OPRK1: variants seen among roughly 807,000 people sequenced by gnomAD.
The protein encoded by OPRK1 is opioid receptor kappa 1, also known as kappa-type opioid receptor.
Under a neutral mutation model 24.5 loss-of-function variants are expected in OPRK1, and 15 were observed. The ratio of observed to expected loss-of-function variants is 0.61; its 90% CI spans 0.41 to 0.94. The LOEUF is 0.94. Ranked by LOEUF, OPRK1 falls within the 40% of genes least tolerant of loss-of-function variation. OPRK1 has a pLI of 0.00. For synonymous variants in OPRK1, 205 were observed against 198.0 expected, an observed-to-expected ratio of 1.04 and a Z score of -0.30; for missense variants, 479 against 507.3, an observed-to-expected ratio of 0.94 and a Z score of 0.54.
At chr8:53,247,990 CAAAAAAAAAAAAAAAA>C (rs767911838) in intron 2 of OPRK1, among the ~76,000 whole-genome samples, 4 of 32,342 alleles carry the variant, frequency 1.2e-4, no homozygotes, top group Non-Finnish European at 1.7e-4. Context: ...GATTCTGTCT[CAAAAAAAAAAAAAAAA>C]AAAAAAAAAA....
At chr8:53,229,856 C>G (rs201603193) in intron 3 of OPRK1, 27 bp from the exon 4 acceptor site, 1 of 1,519,068 alleles carries the variant, frequency 6.6e-7, no homozygotes. Flanking sequence ...AAAACCACAA[C>G]ACAGAAACCT....
intron 1 of OPRK1, 81 bp from the exon 2 acceptor site, chr8:53,251,166 C>T: frequency 2.2e-6 from 3 of 1,366,722 alleles, no homozygotes; most frequent in Non-Finnish European, 2.8e-6. Context: ...GGACCCGGAG[C>T]CTGCGGACTC....
chr8:53,234,633 G>C (rs1806942728), intron 3 of OPRK1, 126 bp downstream of exon 3: 1 of 750,888 alleles, frequency 1.3e-6, no homozygotes, highest in South Asian at 1.8e-5. Flanking sequence ...ATGGATTTAG[G>C]CACTACATTT....
intron 2 of OPRK1, among the ~76,000 whole-genome samples, chr8:53,237,216 A>G (rs1226071504): frequency 6.6e-6 from 1 of 152,172 alleles, no homozygotes; most frequent in East Asian, 1.9e-4. Flanking sequence ...GGTCATATTT[A>G]CCCAGTTCAG....
At position 53,225,975 on chromosome 8, in the gene OPRK1, A is replaced by G. The variant is rs549803444; in HGVS notation, c.*3322T>C. ...TTAGAAAATAAATCTCATTGATAGG[A>G]CACACAACCTTTCACAGCTTTCACT... On this transcript the variant is annotated 3_prime_UTR_variant, in exon 4 of 4. Transcript: ENST00000265572. 1 of 152,140 alleles carries G rather than the reference A, an allele frequency of 6.6e-6. No homozygotes were observed. Among genetic ancestry groups the G allele is most frequent in the Non-Finnish European group, 1.5e-5 (1 of 68,036 alleles). 9.4% of individuals were successfully genotyped at this position (152,140 alleles called of 1,614,324 possible). A position where few individuals can be genotyped will look rare whatever the true frequency, so the allele number is the denominator to read the frequency against.
intron 2 of OPRK1, chr8:53,242,945 C>G: frequency 7.8e-7 from 1 of 1,287,008 alleles, no homozygotes; most frequent in Non-Finnish European, 1.0e-6. Flanking sequence ...AAGTGTTAAG[C>G]CATTTATAGT....
chr8:53,235,891 T>C (rs541486005), intron 2 of OPRK1, among the ~76,000 whole-genome samples: 1 of 152,362 alleles, frequency 6.6e-6, no homozygotes, highest in East Asian at 1.9e-4. Flanking sequence ...CTTTACATTA[T>C]AACATGATGT....
chr8:53,238,331 T>C (rs62505377), intron 2 of OPRK1, among the ~76,000 whole-genome samples: 10,816 of 152,284 alleles, frequency 0.071, 392 homozygotes, highest in Middle Eastern at 0.14. Context: ...CTGGCTTGTG[T>C]GGAGGAGCTG....
intron 2 of OPRK1, among the ~76,000 whole-genome samples, chr8:53,250,102 A>ACACACACACACAC (rs370445740): frequency 1.2e-3 from 178 of 144,744 alleles, no homozygotes; most frequent in African/African-American, 4.6e-3. Context: ...CACACACACA[A>ACACACACACACAC]ATAAAACCTT....
At chr8:53,236,958 T>C (rs1807011017) in intron 2 of OPRK1, among the ~76,000 whole-genome samples, 1 of 152,174 alleles carries the variant, frequency 6.6e-6, no homozygotes, top group Non-Finnish European at 1.5e-5. Context: ...CTAGTCCTTA[T>C]TTTTCAAACT....
At chr8:53,239,910 A>G (rs928871596) in intron 2 of OPRK1, among the ~76,000 whole-genome samples, 2 of 152,236 alleles carry the variant, frequency 1.3e-5, no homozygotes, top group Non-Finnish European at 2.9e-5. Context: ...TCTACATGTA[A>G]TAAGTAAAGG....
chr8:53,251,479 T>C lies in OPRK1; in HGVS notation c.-80A>G, dbSNP rs199569997. The C allele has an allele frequency of 1.3e-4, 22 of 167,678 alleles. No individual in the cohort carries two copies. Among genetic ancestry groups the C allele is most frequent in the African/African-American group, 5.3e-4 (22 of 41,652 alleles). The allele number at this position is 167,678 out of a possible 1,614,324, so 10.4% of individuals were successfully genotyped here. On this transcript the variant is annotated 5_prime_UTR_variant, in exon 1 of 4. Transcript: ENST00000265572. ...TTCCCAGAGACAGGCGAAGGCGAGG[T>C]TTTTTACGGGACGCCCTGGTAGGTG...
At position 53,250,771 on chromosome 8, in the gene OPRK1, C is replaced by T; in HGVS notation, c.257+10G>A. The T allele has an allele frequency of 6.2e-7, 1 of 1,600,494 alleles. No individual in the cohort carries two copies. Among genetic ancestry groups the T allele is most frequent in the Non-Finnish European group, 8.5e-7 (1 of 1,172,434 alleles). ...CCCAGCCCCCAGCGCTGCGCTGTCC[C>T]CGCGCTCACCGGATGATCACGAACA... On this transcript the variant is annotated intron_variant, in intron 2 of 3. Transcript: ENST00000265572.
chr8:53,226,431 T>C lies in OPRK1; in HGVS notation c.*2866A>G, dbSNP rs1392054628. 2 of 152,228 alleles carry C rather than the reference T, an allele frequency of 1.3e-5. No individual in the cohort carries two copies. The highest frequency in any genetic ancestry group is 2.4e-5 in the African/African-American group (1 of 41,450). 9.4% of individuals were successfully genotyped at this position (152,228 alleles called of 1,614,324 possible). Reference sequence around the variant, plus strand: ...TTAGGACCTGTCTTCCAGACCTTCTTACCAGGGTGGAAAGAATAGGGTTCA... The same window carrying C: ...TTAGGACCTGTCTTCCAGACCTTCTCACCAGGGTGGAAAGAATAGGGTTCA... On this transcript the variant is annotated 3_prime_UTR_variant, in exon 4 of 4. Transcript: ENST00000265572.
chr8:53,242,250 C>T (rs1053242868), intron 2 of OPRK1, among the ~76,000 whole-genome samples: 5 of 152,196 alleles, frequency 3.3e-5, no homozygotes, highest in Non-Finnish European at 7.3e-5. Flanking sequence ...GGACAGGAAG[C>T]AACCCAGCCA....
At chr8:53,235,465 A>G (rs1806967951) in intron 2 of OPRK1, among the ~76,000 whole-genome samples, 1 of 152,226 alleles carries the variant, frequency 6.6e-6, no homozygotes, top group Non-Finnish European at 1.5e-5. Flanking sequence ...CTTGGCTTTA[A>G]GCATTTTTCA....
chr8:53,243,430 G>C (rs76745227), intron 2 of OPRK1, among the ~76,000 whole-genome samples: 8,016 of 152,252 alleles, frequency 0.053, 289 homozygotes, highest in African/African-American at 0.1. Context: ...ACACAATCAA[G>C]AAATGATTTT....
intron 1 of OPRK1, 113 bp from the exon 2 acceptor site, chr8:53,251,198 G>A: frequency 8.3e-6 from 10 of 1,206,210 alleles, no homozygotes; most frequent in Non-Finnish European, 1.1e-5. Context: ...GCAAGTCGCC[G>A]GGGGCAGGAC....
chr8:53,248,650 A>G (rs1807294409), intron 2 of OPRK1, among the ~76,000 whole-genome samples: 1 of 152,236 alleles, frequency 6.6e-6, no homozygotes, highest in South Asian at 2.1e-4. Flanking sequence ...ACCATCTATC[A>G]TTATGAAATA....
Sources: allele counts gnomAD v4.1 joint callset (sites outside exome capture counted in the v4.1 genomes callset), GRCh38; gene constraint gnomAD v4.1.1; transcripts MANE v1.5; gene names NCBI Gene and HGNC (gene_info 2026-07-23, HGNC 2026-07-21).